LVRN: variants seen among roughly 807,000 people sequenced by gnomAD.
The protein encoded by LVRN is aminopeptidase Q.
A neutral mutation model predicts 111.4 loss-of-function variants in LVRN; 99 were observed. That is an observed-to-expected ratio of 0.89 (90% CI 0.76 to 1.05). The LOEUF is 1.05. LVRN is among the 50% of genes least tolerant of loss of function. LVRN has a pLI of 0.00. For missense variants in LVRN, 1,414 were observed against 1,206.8 expected (o/e 1.17, Z -2.54); for synonymous variants, 488 against 449.5 (o/e 1.09, Z -1.08).
chr5:115,990,238 T>C (rs1747954872), intron 4 of LVRN, among the ~76,000 whole-genome samples: 1 of 152,206 alleles, frequency 6.6e-6, no homozygotes, highest in Non-Finnish European at 1.5e-5. Flanking sequence ...GTTATTATTG[T>C]GCCAATTGAC....
Position 115,984,531 on chromosome 5 carries a change from T to C in LVRN, c.839-39T>C, listed in dbSNP as rs752358149. On this transcript the variant is annotated intron_variant, in intron 2 of 19. Transcript: ENST00000357872. ...ATTATTTCAAAGACATGTAATTGCT[T>C]AGATTTGCTGTGATTTGAACTAAAA... 5.6e-6 allele frequency: 9 copies of C among 1,606,374 alleles called. No individual in the cohort carries two copies. The East Asian group carries it at 1.8e-4, about 32-fold the overall frequency.
rs143913028 is a variant in LVRN, at chr5:115,968,628, T to C, written c.695+5316T>C. Among the ~76,000 whole-genome samples, 214 of 152,206 alleles carry C rather than the reference T, an allele frequency of 1.4e-3. 3 individuals are homozygous for C. The highest frequency in any genetic ancestry group is 5.1e-3 in the African/African-American group (210 of 41,526). On this transcript the variant is annotated intron_variant, in intron 1 of 19. Transcript: ENST00000357872. ...CTTTTTGATAAGAGCCCTTGCTGTA[T>C]AGTAGAGGAGAGTGGACAGTCCTTC...
chr5:115,971,114 T>C (rs920037450), intron 1 of LVRN, among the ~76,000 whole-genome samples: 4 of 152,206 alleles, frequency 2.6e-5, no homozygotes, highest in Non-Finnish European at 4.4e-5. Flanking sequence ...TGACTAAAAA[T>C]GTTGTGCATC....
In LVRN at chr5:115,993,740, G is replaced by C. The variant is rs1384844009; in HGVS notation, c.1261-1G>C. ...TCTTTTTTTCTTCTCATTTCCAAAA[G>C]TGGTTTGGAAACTTGGTTACCATGA... On this transcript the variant is annotated splice_acceptor_variant, in intron 5 of 19. Coordinates refer to ENST00000357872, the MANE Select transcript of LVRN (RefSeq NM_173800.5). LOFTEE classifies it high-confidence loss of function. The C allele has an allele frequency of 1.9e-6, 3 of 1,586,504 alleles. No individual in the cohort carries two copies. In the East Asian group the frequency reaches 6.8e-5, roughly 36 times the overall value.
chr5:115,968,551 G>T (rs1032006209), intron 1 of LVRN, among the ~76,000 whole-genome samples: 1 of 150,416 alleles, frequency 6.6e-6, no homozygotes, highest in Admixed American at 6.7e-5. Flanking sequence ...TGATCCTCTT[G>T]TCTCAGCCTC....
intron 10 of LVRN, 43 bp from the exon 11 acceptor site, chr5:116,002,792 T>TA (rs1406526114): frequency 4.3e-6 from 6 of 1,400,424 alleles, no homozygotes; most frequent in Non-Finnish European, 6.0e-6. Flanking sequence ...TGTATGTTTT[T>TA]ATGTGTGAAA....
At chr5:115,973,052 C>T (rs1353553093) in intron 1 of LVRN, among the ~76,000 whole-genome samples, 2 of 152,056 alleles carry the variant, frequency 1.3e-5, no homozygotes, top group Non-Finnish European at 2.9e-5. Context: ...CCTCAGCCTC[C>T]TGAGTAGCTG....
intron 18 of LVRN, chr5:116,021,478 C>T (rs558920804): frequency 1.2e-3 from 223 of 185,002 alleles, no homozygotes; most frequent in Non-Finnish European, 2.1e-3. Context: ...TTGTCCTTCA[C>T]GTTGCTCAGG....
chr5:116,010,375 C>A (rs545336454), intron 13 of LVRN: 14 of 339,574 alleles, frequency 4.1e-5, no homozygotes, highest in Non-Finnish European at 8.1e-5. Context: ...ACATCAGTAG[C>A]TGTCAGAGCA....
chr5:115,977,016 A>C (rs553062339), intron 1 of LVRN, among the ~76,000 whole-genome samples: 7 of 152,156 alleles, frequency 4.6e-5, no homozygotes, highest in African/African-American at 1.7e-4. Flanking sequence ...GAAGATTTCA[A>C]TACTCTGGCT....
intron 12 of LVRN, among the ~76,000 whole-genome samples, chr5:116,004,379 T>C (rs1402648180): frequency 6.6e-6 from 1 of 152,170 alleles, no homozygotes; most frequent in Admixed American, 6.5e-5. Context: ...TGTGACTTGC[T>C]GTGAGCCCGT....
chr5:115,981,158 A>AC (rs1753552065), intron 1 of LVRN, among the ~76,000 whole-genome samples: 1 of 152,300 alleles, frequency 6.6e-6, no homozygotes, highest in East Asian at 1.9e-4. Flanking sequence ...AAAGACAGTA[A>AC]CCAAAACCAT....
intron 6 of LVRN, 91 bp downstream of exon 6, chr5:115,993,945 A>T: frequency 1.5e-6 from 1 of 678,646 alleles, no homozygotes; most frequent in Non-Finnish European, 2.3e-6. Context: ...AATACAAGAA[A>T]ATACAAGAAA....
At chr5:115,996,366 T>C (rs992051898) in intron 6 of LVRN, among the ~76,000 whole-genome samples, 1 of 152,112 alleles carries the variant, frequency 6.6e-6, no homozygotes, top group African/African-American at 2.4e-5. Context: ...TACCTTTTAA[T>C]TATTTCTTTT....
intron 19 of LVRN, among the ~76,000 whole-genome samples, chr5:116,024,124 G>T (rs143688841): frequency 4.6e-5 from 7 of 152,160 alleles, no homozygotes; most frequent in Admixed American, 1.3e-4. Flanking sequence ...CCCTTTTTTG[G>T]GTAGAAGAAA....
chr5:115,981,893 G>A (rs147388819), intron 1 of LVRN, among the ~76,000 whole-genome samples: 1 of 152,098 alleles, frequency 6.6e-6, no homozygotes, highest in Non-Finnish European at 1.5e-5. Flanking sequence ...ATTGGTAAAT[G>A]TAATTACCAA....
rs1748275427 is a variant in LVRN at position 116,003,180 on chromosome 5, A to C, written c.1898-61A>C. On this transcript the variant is annotated intron_variant, in intron 11 of 19. Transcript: ENST00000357872. ...TGTTTAGAATCGAGTGTGTAGTATT[A>C]ATAGGTATTAAGATCTTTTTTAAAT... 5 of 1,408,026 alleles carry C rather than the reference A, an allele frequency of 3.6e-6. 1 individual carries two copies. In the South Asian group the frequency reaches 6.4e-5, roughly 18 times the overall value. The allele number at this position is 1,408,026 out of a possible 1,614,324, so 87.2% of individuals were successfully genotyped here.
intron 18 of LVRN, chr5:116,021,694 T>A (rs1433566304): frequency 2.2e-6 from 1 of 451,186 alleles, no homozygotes. Flanking sequence ...TTTTCTTTCC[T>A]TTTTAATGCA....
intron 14 of LVRN, 67 bp downstream of exon 14, chr5:116,010,961 G>A: frequency 1.7e-6 from 2 of 1,184,572 alleles, no homozygotes; most frequent in South Asian, 4.2e-5. Context: ...ATTTTAGCCA[G>A]CATCTGTGAG....
Sources: allele counts gnomAD v4.1 joint callset (sites outside exome capture counted in the v4.1 genomes callset), GRCh38; gene constraint gnomAD v4.1.1; transcripts MANE v1.5; gene names NCBI Gene and HGNC (gene_info 2026-07-23, HGNC 2026-07-21).